The following RNF220 variants were observed in gnomAD, a reference collection of about 807,000 sequenced individuals.
RNF220 encodes E3 ubiquitin-protein ligase RNF220.
Under a neutral mutation model 67.1 loss-of-function variants are expected in RNF220, and 7 were observed. The observed-to-expected ratio is 0.10, with a 90% confidence interval of 0.06 to 0.20. The LOEUF (loss-of-function observed/expected upper bound fraction) is 0.20, where lower values mean the gene tolerates loss of function less well. Among genes scored for constraint, RNF220 ranks in the 10% least tolerant of loss-of-function variants. The pLI is 1.00. For missense variants in RNF220, 565 were observed against 740.3 expected (o/e 0.76, Z 2.75); for synonymous variants, 270 against 283.2 (o/e 0.95, Z 0.47).
At chr1:44,574,146 TGAATGAATGAAC>T (rs1452136869) in intron 2 of RNF220, among the ~76,000 whole-genome samples, 1 of 151,998 alleles carries the variant, frequency 6.6e-6, no homozygotes, top group Non-Finnish European at 1.5e-5. Context: ...AATGAACGAA[TGAATGAATGAAC>T]GAATGAATGA....
intron 2 of RNF220, among the ~76,000 whole-genome samples, chr1:44,439,859 G>A (rs186771148): frequency 2.0e-5 from 3 of 152,206 alleles, no homozygotes; most frequent in African/African-American, 7.2e-5. Context: ...TACAGCTAGT[G>A]GAAAATACAG....
chr1:44,632,400 G>GCCCCAGGCCCCCCCCCCCC lies in RNF220; in HGVS notation c.949+19_949+20insAGGCCCCCCCCCCCCCCCC. ...CCGACTGAATGGTGAGTCCTGCCCGGCCCCTCCCTCCGCCCCACCCCCGGC... is the reference window on the plus strand; with the variant it reads ...CCGACTGAATGGTGAGTCCTGCCCGGCCCCAGGCCCCCCCCCCCCCCCCTCCCTCCGCCCCACCCCCGGC... On this transcript the variant is annotated intron_variant, in intron 6 of 14. Coordinates refer to ENST00000361799, the MANE Select transcript of RNF220 (RefSeq NM_018150.4). 1 of 1,607,452 alleles carries GCCCCAGGCCCCCCCCCCCC rather than the reference G, an allele frequency of 6.2e-7. No homozygotes were observed. Among genetic ancestry groups the GCCCCAGGCCCCCCCCCCCC allele is most frequent in the East Asian group, 2.2e-5 (1 of 44,634 alleles).
intron 2 of RNF220, among the ~76,000 whole-genome samples, chr1:44,512,570 G>A (rs1659099535): frequency 6.6e-6 from 1 of 152,160 alleles, no homozygotes; most frequent in Admixed American, 6.5e-5. Flanking sequence ...CACAGCCCCA[G>A]CGCCCTACAC....
intron 2 of RNF220, among the ~76,000 whole-genome samples, chr1:44,608,752 G>T (rs1667456328): frequency 1.3e-5 from 2 of 152,242 alleles, no homozygotes; most frequent in Admixed American, 1.3e-4. Context: ...GGTAATGATG[G>T]ATAGGAAGAA....
At chr1:44,454,411 T>C (rs1652972613) in intron 2 of RNF220, among the ~76,000 whole-genome samples, 1 of 152,162 alleles carries the variant, frequency 6.6e-6, no homozygotes. Flanking sequence ...TCTTTAAGAG[T>C]AAAGTCATGC....
At chr1:44,562,686 G>A (rs1321614966) in intron 2 of RNF220, among the ~76,000 whole-genome samples, 1 of 152,166 alleles carries the variant, frequency 6.6e-6, no homozygotes, top group African/African-American at 2.4e-5. Flanking sequence ...AGCATGCTTA[G>A]CTCAAGGAAC....
rs1286188426 is a variant in RNF220, at chr1:44,641,881, G to A, written c.1127-2817G>A. On this transcript the variant is annotated intron_variant, in intron 8 of 14. Coordinates refer to ENST00000361799, the MANE Select transcript of RNF220 (RefSeq NM_018150.4). Reference sequence around the variant, plus strand: ...GCCTTTTCTTTGGCAAACAAAGTGTGTCGTGCTGTCCATCCTGCCTCACTG... The same window carrying A: ...GCCTTTTCTTTGGCAAACAAAGTGTATCGTGCTGTCCATCCTGCCTCACTG... Among the ~76,000 whole-genome samples, 18 of 152,360 alleles carry A rather than the reference G, an allele frequency of 1.2e-4. 1 individual carries two copies. The East Asian group carries it at 3.5e-3, about 29-fold the overall frequency.
chr1:44,508,267 T>C (rs547630037), intron 2 of RNF220, among the ~76,000 whole-genome samples: 7 of 152,168 alleles, frequency 4.6e-5, no homozygotes, highest in South Asian at 2.1e-4. Flanking sequence ...CTTGGTGTCC[T>C]TGGCCCCTGA....
intron 2 of RNF220, among the ~76,000 whole-genome samples, chr1:44,541,533 C>T (rs1661674215): frequency 6.6e-6 from 1 of 152,260 alleles, no homozygotes; most frequent in Admixed American, 6.5e-5. Context: ...CACCGTACCA[C>T]ATTGTCTCCT....
intron 2 of RNF220, among the ~76,000 whole-genome samples, chr1:44,460,050 G>A (rs748424707): frequency 2.0e-5 from 3 of 152,164 alleles, no homozygotes; most frequent in Non-Finnish European, 4.4e-5. Flanking sequence ...CCAGTAAAGG[G>A]TGAATTAAGC....
intron 2 of RNF220, among the ~76,000 whole-genome samples, chr1:44,443,496 C>G (rs2147904829): frequency 6.6e-6 from 1 of 152,306 alleles, no homozygotes; most frequent in Non-Finnish European, 1.5e-5. Context: ...AAAGGTCTTG[C>G]TAACATGCAG....
intron 2 of RNF220, among the ~76,000 whole-genome samples, chr1:44,612,356 C>T (rs1359253902): frequency 6.6e-6 from 1 of 152,226 alleles, no homozygotes; most frequent in Admixed American, 6.5e-5. Context: ...GTCTGTCCCA[C>T]AAGGAACTCA....
intron 3 of RNF220, among the ~76,000 whole-genome samples, chr1:44,616,782 G>T (rs991246741): frequency 6.6e-6 from 1 of 152,152 alleles, no homozygotes; most frequent in African/African-American, 2.4e-5. Flanking sequence ...GCCCAGCCTT[G>T]TAAAAGCAGT....
chr1:44,555,445 G>A (rs1662995136), intron 2 of RNF220, among the ~76,000 whole-genome samples: 1 of 151,742 alleles, frequency 6.6e-6, no homozygotes, highest in African/African-American at 2.4e-5. Context: ...CTAAATTCCA[G>A]CTATACTGAA....
At chr1:44,433,149 C>T (rs1424409050) in intron 2 of RNF220, among the ~76,000 whole-genome samples, 1 of 152,038 alleles carries the variant, frequency 6.6e-6, no homozygotes, top group Admixed American at 6.6e-5. Flanking sequence ...AGGCTGGTCT[C>T]GAACTCTTGA....
intron 6 of RNF220, chr1:44,632,831 A>C (rs901183830): frequency 5.6e-6 from 1 of 177,260 alleles, no homozygotes; most frequent in African/African-American, 2.3e-5. Context: ...TGGAGTTCCC[A>C]CGGCAACAGG....
At chr1:44,616,610 C>T (rs1643557613) in intron 3 of RNF220, among the ~76,000 whole-genome samples, 1 of 152,020 alleles carries the variant, frequency 6.6e-6, no homozygotes, top group Non-Finnish European at 1.5e-5. Context: ...CGCCCACACA[C>T]ACCTGGGATT....
chr1:44,569,540 C>A (rs1041626370), intron 2 of RNF220, among the ~76,000 whole-genome samples: 16 of 152,164 alleles, frequency 1.1e-4, no homozygotes, highest in Admixed American at 1.0e-3. Flanking sequence ...ATCCAAGGAG[C>A]AGTTAGAGAT....
chr1:44,489,014 A>G (rs2148046958), intron 2 of RNF220, among the ~76,000 whole-genome samples: 1 of 152,268 alleles, frequency 6.6e-6, no homozygotes, highest in Middle Eastern at 3.4e-3. Context: ...TGCAAGTGTG[A>G]GCCACCACTC....
Sources: gnomAD v4.1 joint callset for allele counts (sites outside exome capture counted in the v4.1 genomes callset) on GRCh38, gnomAD v4.1.1 for gene constraint, MANE v1.5 for transcripts, NCBI Gene and HGNC (gene_info 2026-07-23, HGNC 2026-07-21) for gene names.